SPATA6: variants seen among roughly 807,000 people sequenced by gnomAD.
SPATA6 encodes the protein spermatogenesis associated 6, also known as spermatogenesis-associated protein 6.
A neutral mutation model predicts 65.3 loss-of-function variants in SPATA6; 56 were observed. The ratio of observed to expected loss-of-function variants is 0.86; its 90% confidence interval spans 0.69 to 1.07. The LOEUF (loss-of-function observed/expected upper bound fraction) is 1.07, where lower values mean the gene tolerates loss of function less well. Ranked by LOEUF, SPATA6 falls within the 50% of genes least tolerant of loss-of-function variation. The probability of loss-of-function intolerance (pLI) is 0.00; values close to 1 mark genes in which losing one functional copy is unlikely to be tolerated. For missense variants in SPATA6, 590 were observed against 594.8 expected (o/e 0.99, Z 0.08); for synonymous variants, 199 against 213.2 (o/e 0.93, Z 0.58).
the SPATA6 span, among the ~76,000 whole-genome samples, chr1:48,287,774 C>A: frequency 2.6e-5 from 4 of 152,202 alleles, no homozygotes; most frequent in Non-Finnish European, 5.9e-5. Context: ...ATAAATTACC[C>A]AATCTCAGGT....
At chr1:48,442,844 G>A (rs1259290110) in intron 3 of SPATA6, among the ~76,000 whole-genome samples, 1 of 148,924 alleles carries the variant, frequency 6.7e-6, no homozygotes, top group East Asian at 2.0e-4. Flanking sequence ...ATACCACCTT[G>A]TTGTCAGTGT....
intron 11 of SPATA6, among the ~76,000 whole-genome samples, chr1:48,309,122 G>C (rs1645135042): frequency 6.6e-6 from 1 of 151,738 alleles, no homozygotes; most frequent in African/African-American, 2.4e-5. Flanking sequence ...TCCTACTTAA[G>C]AGTTTATTGA....
chr1:48,276,778 G>C, the SPATA6 span, among the ~76,000 whole-genome samples: 1 of 152,170 alleles, frequency 6.6e-6, no homozygotes, highest in Non-Finnish European at 1.5e-5. Flanking sequence ...GAATGAGTAC[G>C]ATGTGGTGCT....
chr1:48,365,315 G>GT (rs1224432201), intron 9 of SPATA6, among the ~76,000 whole-genome samples: 7 of 152,258 alleles, frequency 4.6e-5, no homozygotes, highest in East Asian at 1.9e-4. Context: ...CTTTAAAGTA[G>GT]TTTTTTCCAA....
chr1:48,434,273 A>C (rs940893057), intron 3 of SPATA6, among the ~76,000 whole-genome samples: 3 of 151,516 alleles, frequency 2.0e-5, no homozygotes, highest in Admixed American at 2.0e-4. Flanking sequence ...AAAAAAAAAA[A>C]AAAAACAGGA....
intron 8 of SPATA6, among the ~76,000 whole-genome samples, chr1:48,386,157 A>G (rs751492920): frequency 1.3e-5 from 2 of 152,194 alleles, no homozygotes; most frequent in African/African-American, 2.4e-5. Flanking sequence ...TGCCTACCTT[A>G]TATCAGAGAG....
At chr1:48,351,766 T>C (rs1646519130) in intron 11 of SPATA6, among the ~76,000 whole-genome samples, 1 of 152,040 alleles carries the variant, frequency 6.6e-6, no homozygotes, top group South Asian at 2.1e-4. Flanking sequence ...TGTCTGGTTA[T>C]AGCATTACAG....
chr1:48,284,312 C>A, the SPATA6 span, among the ~76,000 whole-genome samples: 13 of 152,132 alleles, frequency 8.5e-5, no homozygotes, highest in African/African-American at 3.1e-4. Context: ...ACTGGTTATT[C>A]TAGTTAGCAG....
intron 11 of SPATA6, chr1:48,355,305 T>C (rs919924080): frequency 1.3e-5 from 2 of 158,770 alleles, no homozygotes; most frequent in African/African-American, 4.8e-5. Flanking sequence ...ATGCTACCAT[T>C]TAGGATTAAA....
the SPATA6 span, among the ~76,000 whole-genome samples, chr1:48,285,012 G>C: frequency 1.3e-5 from 2 of 152,326 alleles, no homozygotes; most frequent in South Asian, 4.1e-4. Context: ...GTTTAAGTCT[G>C]CTGAAGCTGC....
intron 9 of SPATA6, among the ~76,000 whole-genome samples, chr1:48,377,971 T>C (rs1336192304): frequency 6.6e-6 from 1 of 152,138 alleles, no homozygotes; most frequent in Admixed American, 6.5e-5. Flanking sequence ...CTCCATATTT[T>C]CCATCATCTT....
At chr1:48,366,762 A>AT (rs1165020606) in intron 9 of SPATA6, among the ~76,000 whole-genome samples, 1 of 151,908 alleles carries the variant, frequency 6.6e-6, no homozygotes, top group Admixed American at 6.6e-5. Context: ...GGATTCATTG[A>AT]TTTTTTGAAG....
intron 4 of SPATA6, 69 bp from the exon 5 acceptor site, chr1:48,411,657 A>G (rs113396438): frequency 5.2e-6 from 7 of 1,341,984 alleles, no homozygotes; most frequent in African/African-American, 4.5e-5. Context: ...ATCATCAAGT[A>G]TGATATATCT....
In SPATA6 at chr1:48,452,509, G is replaced by C. The variant is rs539327112; in HGVS notation, c.189+485C>G. 6.6e-5 allele frequency among the ~76,000 whole-genome samples: 10 copies of C among 151,580 alleles called. No homozygotes were observed. The South Asian group carries it at 2.1e-3, about 32-fold the overall frequency. ...AGCAATTCTCCTGCCTCAGCCTCCCGAGTAAGTGGGATTATAGGCAGGTGC... is the reference window on the plus strand; with the variant it reads ...AGCAATTCTCCTGCCTCAGCCTCCCCAGTAAGTGGGATTATAGGCAGGTGC... On this transcript the variant is annotated intron_variant, in intron 2 of 12. Transcript: ENST00000371847.
chr1:48,357,104 A>T (rs982523118), intron 10 of SPATA6, among the ~76,000 whole-genome samples: 1 of 152,154 alleles, frequency 6.6e-6, no homozygotes, highest in African/African-American at 2.4e-5. Context: ...GGAATAAGGA[A>T]TGCTTGCTTG....
chr1:48,286,937 A>T, the SPATA6 span, among the ~76,000 whole-genome samples: 1 of 151,362 alleles, frequency 6.6e-6, no homozygotes. Context: ...TACTTGGGAG[A>T]CTGAGGCAGG....
At chr1:48,284,967 ATCTACTGC>A in the SPATA6 span, among the ~76,000 whole-genome samples, 1 of 152,126 alleles carries the variant, frequency 6.6e-6, no homozygotes, top group African/African-American at 2.4e-5. Context: ...GTGCTGAGAG[ATCTACTGC>A]TCTCTTCAGA....
At chr1:48,280,855 C>A in the SPATA6 span, among the ~76,000 whole-genome samples, 1 of 152,152 alleles carries the variant, frequency 6.6e-6, no homozygotes. Context: ...CATCCTGATA[C>A]CAAAGCCGAG....
intron 3 of SPATA6, among the ~76,000 whole-genome samples, chr1:48,430,600 T>A (rs1173281462): frequency 2.6e-5 from 4 of 152,186 alleles, no homozygotes; most frequent in African/African-American, 9.6e-5. Context: ...ACTATAACAA[T>A]GGGTTGTAAC....
Sources: allele counts gnomAD v4.1 joint callset (sites outside exome capture counted in the v4.1 genomes callset), GRCh38; gene constraint gnomAD v4.1.1; transcripts MANE v1.5; gene names NCBI Gene and HGNC (gene_info 2026-07-23, HGNC 2026-07-21).